BCAS1: variants seen among roughly 807,000 people sequenced by gnomAD.
The protein encoded by BCAS1 is brain enriched myelin associated protein 1, also known as breast carcinoma-amplified sequence 1.
A neutral mutation model predicts 65.4 loss-of-function variants in BCAS1; 46 were observed. That is an observed-to-expected ratio of 0.70 (90% CI 0.55 to 0.90). The LOEUF (loss-of-function observed/expected upper bound fraction) is 0.90. BCAS1 is among the 40% of genes least tolerant of loss of function. BCAS1 has a pLI of 0.00. For synonymous variants in BCAS1, 298 were observed against 293.5 expected (o/e 1.02, Z -0.16); for missense variants, 793 against 771.2 (o/e 1.03, Z -0.33).
In BCAS1 at chr20:53,962,737, C is replaced by G. The variant is rs371572755; in HGVS notation, c.1485+4169G>C. On this transcript the variant is annotated intron_variant, in intron 10 of 12. Transcript: ENST00000688948. ...AATTGTTTAAAATCCTGCAGGAGCC[C>G]GCAGGATTTCTGTGAAGTGCTACAT... Among the ~76,000 whole-genome samples, 117 of 152,212 alleles carry G rather than the reference C, an allele frequency of 7.7e-4. 2 individuals are homozygous for G. The South Asian group carries it at 0.013, about 17-fold the overall frequency.
intron 10 of BCAS1, among the ~76,000 whole-genome samples, chr20:53,962,376 C>T (rs1427535074): frequency 6.6e-6 from 1 of 152,096 alleles, no homozygotes; most frequent in African/African-American, 2.4e-5. Context: ...AACATTATTC[C>T]AACAAAGATT....
chr20:53,995,761 G>T, intron 5 of BCAS1, 131 bp downstream of exon 5: 2 of 1,071,850 alleles, frequency 1.9e-6, no homozygotes, highest in Non-Finnish European at 2.6e-6. Flanking sequence ...TCTTGTCCCT[G>T]TTCTCTCCCA....
intron 3 of BCAS1, among the ~76,000 whole-genome samples, chr20:54,036,382 A>C (rs781328297): frequency 6.6e-6 from 1 of 151,400 alleles, no homozygotes; most frequent in Non-Finnish European, 1.5e-5. Context: ...GAAAATTTTG[A>C]TTTTCTTAGT....
intron 4 of BCAS1, among the ~76,000 whole-genome samples, chr20:54,003,924 C>A (rs1195374571): frequency 1.3e-5 from 2 of 152,166 alleles, no homozygotes; most frequent in Non-Finnish European, 2.9e-5. Flanking sequence ...AGCGGTTAAG[C>A]TGGTTGATTA....
At position 54,028,470 on chromosome 20, in the gene BCAS1, G is replaced by A. The variant is rs1471578622; in HGVS notation, c.645C>T (p.Ala215=). ...CCTTGTCTTGATGCTCTGCCCTCTTGGCTTCCTGTTGGCTGTCACCTGGCA... is the reference window on the plus strand; with the variant it reads ...CCTTGTCTTGATGCTCTGCCCTCTTAGCTTCCTGTTGGCTGTCACCTGGCA... ...EKVPGDSQQE[A]KRAEHQDKVD... Residue 215 remains alanine (A), a synonymous_variant, in exon 4 of 13, where the codon GCC becomes GCT. Transcript: ENST00000688948. The A allele has an allele frequency of 7.4e-6, 12 of 1,614,046 alleles. No homozygotes were observed. The Admixed American group carries it at 1.2e-4, about 16-fold the overall frequency.
chr20:53,965,789 T>C (rs1343530933), intron 10 of BCAS1, among the ~76,000 whole-genome samples: 1 of 152,222 alleles, frequency 6.6e-6, no homozygotes, highest in Non-Finnish European at 1.5e-5. Context: ...TGATATTCTT[T>C]ATGTAAACAA....
intron 7 of BCAS1, among the ~76,000 whole-genome samples, chr20:53,988,581 C>T (rs911115217): frequency 2.0e-5 from 3 of 152,134 alleles, no homozygotes; most frequent in Non-Finnish European, 2.9e-5. Context: ...TGCCTGTATA[C>T]AAAGTGCAAT....
chr20:54,057,948 A>C (rs1285706066), intron 3 of BCAS1, 137 bp downstream of exon 3: 9 of 688,112 alleles, frequency 1.3e-5, no homozygotes, highest in Non-Finnish European at 2.0e-5. Context: ...TGGTAGCCCA[A>C]GGAACAAACG....
rs560947638 is a variant in BCAS1, at chr20:53,957,217, G to C, written c.1551+215C>G. Reference sequence around the variant, plus strand: ...TAATGCAGAAAAGAGGGAAGCACATGTGTGAAAGTTTTTTGATAGGATAAA... The same window carrying C: ...TAATGCAGAAAAGAGGGAAGCACATCTGTGAAAGTTTTTTGATAGGATAAA... On this transcript the variant is annotated intron_variant, in intron 11 of 12. Transcript: ENST00000688948. Among the ~76,000 whole-genome samples, 15 of 152,368 alleles carry C rather than the reference G, an allele frequency of 9.8e-5. No individual in the cohort carries two copies. The East Asian group carries it at 2.7e-3, about 27-fold the overall frequency.
chr20:54,050,303 T>G (rs1168506466), intron 3 of BCAS1, among the ~76,000 whole-genome samples: 3 of 152,226 alleles, frequency 2.0e-5, no homozygotes, highest in African/African-American at 7.2e-5. Context: ...CAAGTCCTTT[T>G]GCCATGTAAG....
intron 11 of BCAS1, among the ~76,000 whole-genome samples, chr20:53,955,340 A>G (rs1310279646): frequency 6.6e-6 from 1 of 152,208 alleles, no homozygotes; most frequent in African/African-American, 2.4e-5. Flanking sequence ...GCAGACCCCA[A>G]CTGTCAGAGT....
chr20:53,989,330 C>T (rs1025251352), intron 7 of BCAS1, among the ~76,000 whole-genome samples: 56 of 152,262 alleles, frequency 3.7e-4, no homozygotes, highest in African/African-American at 1.3e-3. Flanking sequence ...GACCCTACTA[C>T]AGTTATAGTA....
intron 3 of BCAS1, among the ~76,000 whole-genome samples, chr20:54,034,782 A>G (rs956372693): frequency 6.6e-6 from 1 of 151,364 alleles, no homozygotes; most frequent in Non-Finnish European, 1.5e-5. Context: ...AGAGAAAACT[A>G]TTTTAAAATT....
chr20:53,973,299 G>T (rs1270858909), intron 9 of BCAS1, among the ~76,000 whole-genome samples: 1 of 152,048 alleles, frequency 6.6e-6, no homozygotes, highest in South Asian at 2.1e-4. Flanking sequence ...TCAAAATGTT[G>T]CTTGCAGTGT....
At chr20:54,008,693 T>C (rs1188179315) in intron 4 of BCAS1, among the ~76,000 whole-genome samples, 2 of 152,080 alleles carry the variant, frequency 1.3e-5, no homozygotes, top group Admixed American at 1.3e-4. Context: ...CAATTGAAGA[T>C]AACTTGTCAT....
chr20:53,983,434 C>T (rs920066166), intron 8 of BCAS1, among the ~76,000 whole-genome samples: 1 of 152,160 alleles, frequency 6.6e-6, no homozygotes, highest in Admixed American at 6.5e-5. Flanking sequence ...GAAACGAAAG[C>T]TCATAGAGAC....
In BCAS1 at chr20:53,944,876, C is replaced by A. The variant is rs756730419; in HGVS notation, c.*46G>T. ...TGGGGAGGAGATGGAGTAAGGAGAACACATCTTGGTGGCAGGAGAACCTGG... is the reference window on the plus strand; with the variant it reads ...TGGGGAGGAGATGGAGTAAGGAGAAAACATCTTGGTGGCAGGAGAACCTGG... On this transcript the variant is annotated 3_prime_UTR_variant, in exon 13 of 13. Transcript: ENST00000688948. 1.9e-6 allele frequency: 3 copies of A among 1,543,270 alleles called. No individual in the cohort carries two copies. The highest frequency in any genetic ancestry group is 2.7e-6 in the Non-Finnish European group (3 of 1,115,620).
chr20:54,015,598 GACA>G (rs1357966090), intron 4 of BCAS1, among the ~76,000 whole-genome samples: 2 of 152,094 alleles, frequency 1.3e-5, no homozygotes, highest in Non-Finnish European at 1.5e-5. Context: ...GCCCACTTAG[GACA>G]ACATTTCTCT....
chr20:53,953,753 A>G, intron 11 of BCAS1, 58 bp from the exon 12 acceptor site: 4 of 1,547,834 alleles, frequency 2.6e-6, no homozygotes, highest in Non-Finnish European at 1.8e-6. Context: ...TCTCAATAGC[A>G]AGGGAATAAA....
Sources: gnomAD v4.1 joint callset for allele counts (sites outside exome capture counted in the v4.1 genomes callset) on GRCh38, gnomAD v4.1.1 for gene constraint, MANE v1.5 for transcripts, NCBI Gene and HGNC (gene_info 2026-07-23, HGNC 2026-07-21) for gene names.